Variants in FRMD4B observed in about 807,000 individuals in gnomAD.
FRMD4B encodes FERM domain containing 4B, also known as FERM domain-containing protein 4B.
FRMD4B carries 74 observed loss-of-function variants against 141.5 expected under a neutral mutation model. That is an observed-to-expected ratio of 0.52 (90% CI 0.43 to 0.63). The LOEUF is 0.63. Ranked by LOEUF, FRMD4B falls within the 30% of genes least tolerant of loss-of-function variation. FRMD4B has a pLI of 0.00. For missense variants in FRMD4B, 1,366 were observed against 1,253.4 expected (o/e 1.09, Z -1.36); for synonymous variants, 506 against 467.9 (o/e 1.08, Z -1.05).
intron 2 of FRMD4B, among the ~76,000 whole-genome samples, chr3:69,312,906 T>C (rs1393193449): frequency 6.6e-6 from 1 of 151,848 alleles, no homozygotes; most frequent in Non-Finnish European, 1.5e-5. Context: ...AAAATATATC[T>C]ATCTATATCA....
chr3:69,281,474 T>C (rs1385602403), intron 5 of FRMD4B, among the ~76,000 whole-genome samples: 2 of 152,120 alleles, frequency 1.3e-5, no homozygotes, highest in Non-Finnish European at 1.5e-5. Flanking sequence ...ACTCATTCAT[T>C]TGTTGTGTTA....
chr3:69,504,122 TAC>T lies in FRMD4B; in HGVS notation c.-129+38082_-129+38083del, dbSNP rs551253440. Among the ~76,000 whole-genome samples, 87 of 152,346 alleles carry T rather than the reference TAC, an allele frequency of 5.7e-4. 1 individual carries two copies. Among genetic ancestry groups the T allele is most frequent in the African/African-American group, 2.1e-3 (86 of 41,578 alleles). ...TTTTGAGACCTTCTTCTAAAGCTTA[TAC>T]ACACACATATTTTGCATAATTGGAT... On this transcript the variant is annotated intron_variant, in intron 1 of 5. Coordinates refer to the FRMD4B transcript ENST00000459638.
At chr3:69,387,155 G>C (rs2106708995), upstream of FRMD4B, among the ~76,000 whole-genome samples, 1 of 152,288 alleles carries the variant, frequency 6.6e-6, no homozygotes, top group Admixed American at 6.5e-5. Context: ...ATTTATTTTT[G>C]AGACAAGGTC....
intron 11 of FRMD4B, among the ~76,000 whole-genome samples, chr3:69,206,118 G>A (rs990388956): frequency 9.9e-5 from 15 of 152,122 alleles, no homozygotes; most frequent in Admixed American, 5.9e-4. Context: ...TTGGGAGGCC[G>A]GGGTGGGTGG....
chr3:69,297,183 C>G (rs534690090), intron 4 of FRMD4B, among the ~76,000 whole-genome samples: 1 of 152,270 alleles, frequency 6.6e-6, no homozygotes, highest in South Asian at 2.1e-4. Flanking sequence ...AGTCATGATG[C>G]TTCCTCGAGT....
intron 11 of FRMD4B, chr3:69,199,096 T>C (rs1171346842): frequency 9.4e-6 from 2 of 212,002 alleles, no homozygotes; most frequent in South Asian, 6.8e-5. Context: ...CGGTGAAACC[T>C]TGTCTCTACT....
chr3:69,325,347 T>A (rs1702157873), intron 1 of FRMD4B, among the ~76,000 whole-genome samples: 1 of 152,232 alleles, frequency 6.6e-6, no homozygotes, highest in Non-Finnish European at 1.5e-5. Flanking sequence ...TCCAGCCAGC[T>A]TCGGGCAGAC....
intron 1 of FRMD4B, among the ~76,000 whole-genome samples, chr3:69,440,821 C>A (rs1705331236): frequency 6.6e-6 from 1 of 152,080 alleles, no homozygotes; most frequent in African/African-American, 2.4e-5. Context: ...AAAAAAAATT[C>A]TTGAATACTT....
chr3:69,372,105 G>C (rs1575772022), intron 1 of FRMD4B, among the ~76,000 whole-genome samples: 1 of 152,220 alleles, frequency 6.6e-6, no homozygotes, highest in South Asian at 2.1e-4. Context: ...TCCTGCCTCA[G>C]TGTCTTTGCG....
At chr3:69,325,813 G>A (rs1339765493) in intron 1 of FRMD4B, among the ~76,000 whole-genome samples, 2 of 152,156 alleles carry the variant, frequency 1.3e-5, no homozygotes, top group East Asian at 3.9e-4. Context: ...TGCTTGACAT[G>A]TATTACCAGT....
chr3:69,456,092 C>A (rs188874431), intron 1 of FRMD4B, among the ~76,000 whole-genome samples: 1 of 152,304 alleles, frequency 6.6e-6, no homozygotes. Flanking sequence ...AACTTGTGAG[C>A]TTTCCATCAC....
At chr3:69,299,759 C>T (rs1326392202) in intron 4 of FRMD4B, among the ~76,000 whole-genome samples, 1 of 152,112 alleles carries the variant, frequency 6.6e-6, no homozygotes, top group East Asian at 1.9e-4. Flanking sequence ...GGTACACATG[C>T]TTTAATGTGC....
intron 1 of FRMD4B, among the ~76,000 whole-genome samples, chr3:69,317,162 T>A (rs1044720990): frequency 1.3e-5 from 2 of 152,248 alleles, no homozygotes; most frequent in African/African-American, 4.8e-5. Context: ...TAGCAACAGA[T>A]AATTTTATTC....
In FRMD4B at chr3:69,171,194, T is replaced by C; in HGVS notation, c.*667A>G. The C allele has an allele frequency of 6.6e-6, 1 of 152,200 alleles. No individual in the cohort carries two copies. The highest frequency in any genetic ancestry group is 1.5e-5 in the Non-Finnish European group (1 of 68,026). The allele number at this position is 152,200 out of a possible 1,614,324, so 9.4% of individuals were successfully genotyped here. A position where few individuals can be genotyped will look rare whatever the true frequency, so the allele number is the denominator to read the frequency against. On this transcript the variant is annotated 3_prime_UTR_variant, in exon 23 of 23. Coordinates refer to ENST00000398540, the MANE Select transcript of FRMD4B (RefSeq NM_015123.3). ...CTTCATTTTCCCCAATCTGCTACCATAAGTTATATTACAGGATGCTAAGGT... is the reference window on the plus strand; with the variant it reads ...CTTCATTTTCCCCAATCTGCTACCACAAGTTATATTACAGGATGCTAAGGT...
At chr3:69,297,742 G>A (rs1701078054) in intron 4 of FRMD4B, among the ~76,000 whole-genome samples, 1 of 152,082 alleles carries the variant, frequency 6.6e-6, no homozygotes, top group Non-Finnish European at 1.5e-5. Flanking sequence ...TATAATTTAT[G>A]GCAGCCAGAT....
intron 5 of FRMD4B, among the ~76,000 whole-genome samples, chr3:69,284,165 C>T (rs1266461085): frequency 1.3e-5 from 2 of 152,084 alleles, no homozygotes; most frequent in African/African-American, 4.8e-5. Flanking sequence ...TAAGGAGATG[C>T]AGCAACTCCT....
In FRMD4B at chr3:69,384,081, C is replaced by T. The variant is rs552451372; in HGVS notation, c.162+1747G>A. On this transcript the variant is annotated intron_variant, in intron 1 of 22. Transcript: ENST00000398540. The stretch of plus-strand genomic sequence containing the variant: ...TTCTGAGTAGCTGGGATTATAGACA[C>T]ACAGCACACTGCCTGACTACCACCA... Among the ~76,000 whole-genome samples the T allele has an allele frequency of 1.2e-3, 181 of 152,086 alleles. 1 individual carries two copies. The highest frequency in any genetic ancestry group is 4.2e-3 in the African/African-American group (175 of 41,468).
intron 3 of FRMD4B, among the ~76,000 whole-genome samples, chr3:69,304,491 AAAAAAAAAAAAAAACAGTACAGGGCTG>A (rs1484702765): frequency 6.6e-6 from 1 of 151,156 alleles, no homozygotes; most frequent in Non-Finnish European, 1.5e-5. Context: ...CTCAAAAAAA[AAAAAAAAAAAAAAACAGTACAGGGCTG>A]AATACTCTCT....
chr3:69,430,789 AC>A (rs1245156277), intron 2 of FRMD4B, among the ~76,000 whole-genome samples: 1 of 152,180 alleles, frequency 6.6e-6, no homozygotes, highest in Non-Finnish European at 1.5e-5. Flanking sequence ...CCTCTCTTAA[AC>A]CTACTTCAAA....
Sources: gnomAD v4.1 joint callset for allele counts (sites outside exome capture counted in the v4.1 genomes callset) on GRCh38, gnomAD v4.1.1 for gene constraint, MANE v1.5 for transcripts, NCBI Gene and HGNC (gene_info 2026-07-23, HGNC 2026-07-21) for gene names.